CCDC171: variants seen among roughly 807,000 people sequenced by gnomAD.
The protein encoded by CCDC171 is coiled-coil domain containing 171, also known as coiled-coil domain-containing protein 171.
In CCDC171, 177 loss-of-function variants were observed where a neutral mutation model predicts 168.2. The observed-to-expected ratio is 1.05, with a 90% confidence interval of 0.93 to 1.19. The LOEUF (loss-of-function observed/expected upper bound fraction) is 1.19. CCDC171 is among the 50% of genes most tolerant of loss of function. CCDC171 has a pLI of 0.00. For missense variants in CCDC171, 1,991 were observed against 1,539.0 expected (o/e 1.29, Z -4.91); for synonymous variants, 687 against 540.8 (o/e 1.27, Z -3.75).
At chr9:15,640,089 C>T (rs1198814161) in intron 7 of CCDC171, among the ~76,000 whole-genome samples, 1 of 152,116 alleles carries the variant, frequency 6.6e-6, no homozygotes. Context: ...AAATAAGTAT[C>T]AATGAGATCA....
chr9:15,998,486 G>T (rs567940300), intron 3 of CCDC171, among the ~76,000 whole-genome samples: 6 of 152,278 alleles, frequency 3.9e-5, no homozygotes, highest in African/African-American at 1.2e-4. Context: ...TGAAGCTTTG[G>T]GGAGGAAAGG....
intron 24 of CCDC171, among the ~76,000 whole-genome samples, chr9:15,908,786 G>A (rs533614025): frequency 3.0e-4 from 46 of 152,278 alleles, no homozygotes; most frequent in African/African-American, 1.1e-3. Context: ...GAGCAGGCAC[G>A]TCAGTAGGCA....
intron 3 of CCDC171, among the ~76,000 whole-genome samples, chr9:15,983,415 C>A (rs981132374): frequency 1.3e-5 from 2 of 151,806 alleles, no homozygotes; most frequent in African/African-American, 4.8e-5. Flanking sequence ...CTCATACTCT[C>A]TTCTTAGGTA....
chr9:15,821,762 G>C (rs147076131), intron 21 of CCDC171, among the ~76,000 whole-genome samples: 3,146 of 116,144 alleles, frequency 0.027, 896 homozygotes, highest in African/African-American at 0.097. Flanking sequence ...TACTGCCCAA[G>C]GTAATTTATA....
chr9:15,815,656 G>T (rs1190835445), intron 21 of CCDC171, among the ~76,000 whole-genome samples: 1 of 114,268 alleles, frequency 8.8e-6, no homozygotes, highest in South Asian at 2.8e-4. Context: ...TATTTTCTCT[G>T]GTAAACCTTT....
At chr9:15,884,318 A>G (rs556863569) in intron 24 of CCDC171, among the ~76,000 whole-genome samples, 36 of 152,312 alleles carry the variant, frequency 2.4e-4, no homozygotes, top group African/African-American at 8.7e-4. Context: ...AATCGCACTA[A>G]TAAATGTTTT....
intron 25 of CCDC171, among the ~76,000 whole-genome samples, chr9:15,949,814 T>A (rs1828898729): frequency 6.6e-6 from 1 of 152,132 alleles, no homozygotes; most frequent in Non-Finnish European, 1.5e-5. Context: ...TCCTGCCTAA[T>A]TGCCCTGGCC....
chr9:16,008,057 G>T (rs1010413546), intron 3 of CCDC171, among the ~76,000 whole-genome samples: 2 of 152,052 alleles, frequency 1.3e-5, no homozygotes, highest in Admixed American at 1.3e-4. Context: ...AGTGTCCTTT[G>T]AAGCACAAAA....
intron 24 of CCDC171, among the ~76,000 whole-genome samples, chr9:15,890,301 T>C (rs574116065): frequency 6.6e-6 from 1 of 152,154 alleles, no homozygotes; most frequent in South Asian, 2.1e-4. Context: ...ATGAATGAAA[T>C]TTGTTCTTGC....
At chr9:16,053,799 G>A (rs1833790487) in intron 1 of CCDC171, among the ~76,000 whole-genome samples, 2 of 152,250 alleles carry the variant, frequency 1.3e-5, no homozygotes, top group Admixed American at 1.3e-4. Context: ...GCTTTGCAGA[G>A]TGATGGGTTT....
At chr9:15,570,963 G>C (rs2040178060) in intron 2 of CCDC171, among the ~76,000 whole-genome samples, 1 of 152,134 alleles carries the variant, frequency 6.6e-6, no homozygotes, top group Admixed American at 6.6e-5. Context: ...ATAGGGGATG[G>C]GGATCTGAGG....
the CCDC171 span, among the ~76,000 whole-genome samples, chr9:16,107,884 A>C: frequency 6.6e-6 from 1 of 152,216 alleles, no homozygotes; most frequent in Non-Finnish European, 1.5e-5. Flanking sequence ...GAAAGAATAC[A>C]TTTCATTATA....
intron 23 of CCDC171, among the ~76,000 whole-genome samples, chr9:15,866,393 A>T (rs2061786924): frequency 6.6e-6 from 1 of 151,986 alleles, no homozygotes; most frequent in African/African-American, 2.4e-5. Flanking sequence ...CAGAAGAGTG[A>T]TGGTAGGTGG....
chr9:16,005,120 C>T (rs921617566), intron 3 of CCDC171, among the ~76,000 whole-genome samples: 1 of 152,160 alleles, frequency 6.6e-6, no homozygotes, highest in African/African-American at 2.4e-5. Context: ...AATTTTAGAA[C>T]TTTCTTATCA....
At position 15,629,337 on chromosome 9, in the gene CCDC171, G is replaced by C. The variant is rs145366486; in HGVS notation, c.822+5924G>C. Among the ~76,000 whole-genome samples, 1,466 of 152,260 alleles carry C rather than the reference G, an allele frequency of 9.6e-3. 27 individuals are homozygous for C. The highest frequency in any genetic ancestry group is 0.034 in the African/African-American group (1,401 of 41,536). On this transcript the variant is annotated intron_variant, in intron 7 of 25. Transcript: ENST00000380701. ...CAATACAGAGAAGTGCTTAAAGGAG[G>C]TGATGGAGCTGAAAGCCAAGGCTCG...
Position 15,578,407 on chromosome 9 carries a change from GTATTATTATTATTAT to G in CCDC171, c.178-410_178-396del, listed in dbSNP as rs36232245. ...ACACCACCATGCCTGGTTAATTTTT[GTATTATTATTATTAT>G]TATTATTATTATTATTATTATTATT... On this transcript the variant is annotated intron_variant, in intron 3 of 25. Coordinates refer to ENST00000380701, the MANE Select transcript of CCDC171 (RefSeq NM_173550.4). 6.9e-3 allele frequency among the ~76,000 whole-genome samples: 925 copies of G among 134,242 alleles called. 12 individuals are homozygous for G. Among genetic ancestry groups the G allele is most frequent in the African/African-American group, 0.023 (823 of 35,776 alleles). 88.1% of individuals were successfully genotyped at this position (134,242 alleles called of 152,430 possible).
chr9:15,791,264 T>G (rs2058245492), intron 21 of CCDC171, among the ~76,000 whole-genome samples: 6 of 152,122 alleles, frequency 3.9e-5, no homozygotes, highest in Admixed American at 3.9e-4. Flanking sequence ...GTGTCCTCTT[T>G]TATTTCCTTG....
chr9:16,062,358 C>CATGGACACAAAGGAGGGAATG (rs1833942172), downstream of CCDC171, among the ~76,000 whole-genome samples: 1 of 152,038 alleles, frequency 6.6e-6, no homozygotes, highest in Admixed American at 6.5e-5. Context: ...ACTGAGCGCA[C>CATGGACACAAAGGAGGGAATG]ATGGACACAA....
chr9:15,749,468 G>A lies in CCDC171; in HGVS notation c.2671+3837G>A, dbSNP rs531127444. 1.1e-3 allele frequency among the ~76,000 whole-genome samples: 171 copies of A among 152,194 alleles called. 1 individual carries two copies. Among genetic ancestry groups the A allele is most frequent in the African/African-American group, 2.8e-3 (115 of 41,548 alleles). ...ACTTGAACTGAGCTCTGGACCAAGCGGACCTAATAGACATCTACAGAACTC... is the reference window on the plus strand; with the variant it reads ...ACTTGAACTGAGCTCTGGACCAAGCAGACCTAATAGACATCTACAGAACTC... On this transcript the variant is annotated intron_variant, in intron 18 of 25. Transcript: ENST00000380701.
Sources: gnomAD v4.1 joint callset for allele counts (sites outside exome capture counted in the v4.1 genomes callset) on GRCh38, gnomAD v4.1.1 for gene constraint, MANE v1.5 for transcripts, NCBI Gene and HGNC (gene_info 2026-07-23, HGNC 2026-07-21) for gene names.